The following GNAO1 variants were observed in gnomAD, a reference collection of about 807,000 sequenced individuals.
GNAO1 encodes G protein subunit alpha o1, also known as guanine nucleotide-binding protein G(o) subunit alpha.
For missense variants in GNAO1, 166 were observed against 478.7 expected, an observed-to-expected ratio of 0.35 and a Z score of 6.10; for synonymous variants, 164 against 180.7, an observed-to-expected ratio of 0.91 and a Z score of 0.74.
intron 3 of GNAO1, among the ~76,000 whole-genome samples, chr16:56,298,217 T>C (rs2037307223): frequency 6.6e-6 from 1 of 152,180 alleles, no homozygotes; most frequent in African/African-American, 2.4e-5. Flanking sequence ...TGATCTTCCG[T>C]ATGTGCAGAC....
intron 3 of GNAO1, among the ~76,000 whole-genome samples, chr16:56,279,756 G>A (rs1194884881): frequency 6.6e-6 from 1 of 152,196 alleles, no homozygotes; most frequent in Non-Finnish European, 1.5e-5. Context: ...AGCAGCTCAT[G>A]AAAGCCGCGA....
intron 2 of GNAO1, among the ~76,000 whole-genome samples, chr16:56,201,427 T>C (rs2036280999): frequency 6.6e-6 from 1 of 152,150 alleles, no homozygotes; most frequent in African/African-American, 2.4e-5. Context: ...AATGAAAGAT[T>C]GGACAGAAAC....
In GNAO1 at chr16:56,277,842, C is replaced by T. The variant is rs1423005965; in HGVS notation, c.303+1770C>T. 4.5e-5 allele frequency among the ~76,000 whole-genome samples: 6 copies of T among 132,716 alleles called. No homozygotes were observed. In the East Asian group the frequency reaches 9.1e-4, roughly 20 times the overall value. The allele number at this position is 132,716 out of a possible 152,430, so 87.1% of individuals were successfully genotyped here. A position where few individuals can be genotyped will look rare whatever the true frequency, so the allele number is the denominator to read the frequency against. ...ACACACACACACACACACACACACACGGTGTGTGAGATCTTCCAGGAGCAA... is the reference window on the plus strand; with the variant it reads ...ACACACACACACACACACACACACATGGTGTGTGAGATCTTCCAGGAGCAA... On this transcript the variant is annotated intron_variant, in intron 3 of 8. Transcript: ENST00000262493.
intron 3 of GNAO1, among the ~76,000 whole-genome samples, chr16:56,315,991 G>A (rs1318114088): frequency 2.0e-5 from 3 of 151,934 alleles, no homozygotes; most frequent in East Asian, 1.9e-4. Context: ...CCCGGGAGGC[G>A]GAGGTTGCAG....
intron 2 of GNAO1, among the ~76,000 whole-genome samples, chr16:56,196,587 C>T (rs1195359782): frequency 2.0e-5 from 3 of 152,258 alleles, no homozygotes; most frequent in East Asian, 1.9e-4. Flanking sequence ...AAATGGACTG[C>T]GGAATTGCTC....
chr16:56,310,445 A>C (rs1050970208), intron 3 of GNAO1, among the ~76,000 whole-genome samples: 1 of 152,202 alleles, frequency 6.6e-6, no homozygotes, highest in Non-Finnish European at 1.5e-5. Context: ...GTGGTGAACA[A>C]AAATTATGCG....
chr16:56,285,786 G>A (rs1458756041), intron 3 of GNAO1, among the ~76,000 whole-genome samples: 1 of 152,190 alleles, frequency 6.6e-6, no homozygotes, highest in Non-Finnish European at 1.5e-5. Context: ...TGCAGTGCTG[G>A]CCCTGTGGTC....
intron 2 of GNAO1, among the ~76,000 whole-genome samples, chr16:56,223,351 G>GT (rs1322464032): frequency 2.0e-5 from 3 of 152,226 alleles, no homozygotes; most frequent in African/African-American, 7.2e-5. Flanking sequence ...GCAGTGGCAA[G>GT]TTGAGTTTTT....
At chr16:56,342,680 A>T (rs1179065836) in intron 6 of GNAO1, among the ~76,000 whole-genome samples, 2 of 152,228 alleles carry the variant, frequency 1.3e-5, no homozygotes, top group South Asian at 4.1e-4. Context: ...ACAGGAGGTG[A>T]TATCAAGGCC....
intron 2 of GNAO1, among the ~76,000 whole-genome samples, chr16:56,212,144 G>A (rs1159338439): frequency 6.6e-6 from 1 of 152,176 alleles, no homozygotes; most frequent in Non-Finnish European, 1.5e-5. Flanking sequence ...TTTAAAAAAT[G>A]TAAATGTTCT....
chr16:56,214,911 C>T lies in GNAO1; in HGVS notation c.161+22295C>T, dbSNP rs1236579302. Reference sequence around the variant, plus strand: ...CCGGTGCATAAAGTCTCCTCAGCTGCCTTCTAGAAATGCTGTTTCTGCCCT... The same window carrying T: ...CCGGTGCATAAAGTCTCCTCAGCTGTCTTCTAGAAATGCTGTTTCTGCCCT... On this transcript the variant is annotated intron_variant, in intron 2 of 8. Transcript: ENST00000262493. 2.0e-5 allele frequency among the ~76,000 whole-genome samples: 3 copies of T among 152,234 alleles called. No homozygotes were observed. In the East Asian group the frequency reaches 5.8e-4, roughly 29 times the overall value.
chr16:56,238,394 G>A (rs566254843), intron 2 of GNAO1, among the ~76,000 whole-genome samples: 40 of 152,368 alleles, frequency 2.6e-4, no homozygotes, highest in African/African-American at 9.1e-4. Context: ...CAGAGGCACA[G>A]CGGGTTCTAA....
intron 2 of GNAO1, among the ~76,000 whole-genome samples, chr16:56,212,054 A>G (rs1313733573): frequency 1.3e-5 from 2 of 152,194 alleles, no homozygotes; most frequent in Admixed American, 6.5e-5. Context: ...CTGCTTGGCA[A>G]TTGATGGGAG....
In GNAO1 at chr16:56,291,348, C is replaced by T. The variant is rs2037230350; in HGVS notation, c.303+15276C>T. 3.9e-5 allele frequency among the ~76,000 whole-genome samples: 6 copies of T among 152,230 alleles called. 1 individual carries two copies. The South Asian group carries it at 1.2e-3, about 32-fold the overall frequency. ...CTCATTGTGGTTTTCATTTGCATTT[C>T]CCCAGTGATTAATGATATTGAGCAT... On this transcript the variant is annotated intron_variant, in intron 3 of 8. Transcript: ENST00000262493.
At chr16:56,344,654 G>A (rs1221338536) in intron 6 of GNAO1, 1 of 985,606 alleles carries the variant, frequency 1.0e-6, no homozygotes, top group African/African-American at 1.7e-5. Context: ...GCGGGGGGAG[G>A]GAGAGATGGG....
At chr16:56,246,537 C>T (rs778749801) in intron 2 of GNAO1, among the ~76,000 whole-genome samples, 49 of 152,190 alleles carry the variant, frequency 3.2e-4, no homozygotes, top group Non-Finnish European at 5.0e-4. Context: ...AGGCAGCTCA[C>T]GTAAACTTCG....
chr16:56,237,271 G>T (rs181246583), intron 2 of GNAO1, among the ~76,000 whole-genome samples: 1 of 152,164 alleles, frequency 6.6e-6, no homozygotes, highest in Admixed American at 6.5e-5. Flanking sequence ...GCAGTCATTC[G>T]TTAAACAGAT....
chr16:56,255,448 A>G (rs539885008), intron 2 of GNAO1: 3 of 152,322 alleles, frequency 2.0e-5, no homozygotes, highest in South Asian at 4.1e-4. Context: ...TATACATGGT[A>G]TTCTGCTCTC....
chr16:56,314,592 T>C (rs893359191), intron 3 of GNAO1, among the ~76,000 whole-genome samples: 7 of 152,216 alleles, frequency 4.6e-5, no homozygotes, highest in Admixed American at 4.6e-4. Flanking sequence ...CAGCATTTGC[T>C]TTCTTGGCAT....
Sources: allele counts gnomAD v4.1 joint callset (sites outside exome capture counted in the v4.1 genomes callset), GRCh38; gene constraint gnomAD v4.1.1; transcripts MANE v1.5; gene names NCBI Gene and HGNC (gene_info 2026-07-23, HGNC 2026-07-21).